Variants in B4GALT1 observed in about 807,000 individuals in gnomAD.
B4GALT1 encodes the protein beta-1,4-galactosyltransferase 1, also known as N-acetyllactosamine synthase.
B4GALT1 carries 16 observed loss-of-function variants against 34.9 expected under a neutral mutation model. That is an observed-to-expected ratio of 0.46 (90% CI 0.31 to 0.70). The LOEUF is 0.70. B4GALT1 is among the 30% of genes least tolerant of loss of function. The pLI, the probability that B4GALT1 is intolerant of heterozygous loss-of-function variation, is 0.05. For synonymous variants in B4GALT1, 221 were observed against 218.1 expected (o/e 1.01, Z -0.12); for missense variants, 445 against 530.5 (o/e 0.84, Z 1.58).
chr9:33,150,233 TACACAC>T (rs10701535), intron 1 of B4GALT1, among the ~76,000 whole-genome samples: 1,965 of 138,142 alleles, frequency 0.014, 45 homozygotes, highest in African/African-American at 0.049. Flanking sequence ...TACAGGTAGA[TACACAC>T]ACACACACAC....
the B4GALT1 span, among the ~76,000 whole-genome samples, chr9:33,175,483 T>C: frequency 2.0e-5 from 3 of 152,138 alleles, no homozygotes; most frequent in Non-Finnish European, 4.4e-5. Flanking sequence ...TAGGGCATCA[T>C]ATCGGAAATT....
chr9:33,110,495 T>C (rs1001043988), downstream of B4GALT1: 3 of 152,196 alleles, frequency 2.0e-5, no homozygotes, highest in Admixed American at 6.5e-5. Flanking sequence ...ATTTTACAGA[T>C]AAGAGAATGA....
At chr9:33,161,584 C>T (rs1391751150) in intron 1 of B4GALT1, among the ~76,000 whole-genome samples, 1 of 152,194 alleles carries the variant, frequency 6.6e-6, no homozygotes, top group African/African-American at 2.4e-5. Flanking sequence ...CCCTAGGAGC[C>T]AGGGTCTGGC....
chr9:33,179,876 G>A, the B4GALT1 span: 2 of 152,340 alleles, frequency 1.3e-5, no homozygotes, highest in East Asian at 1.9e-4. Flanking sequence ...GATGAAGCCC[G>A]TTGTAAGTAA....
Position 33,166,945 on chromosome 9 carries a change from C to T in B4GALT1, c.225G>A (p.Gly75=), listed in dbSNP as rs1350314975. The T allele has an allele frequency of 2.5e-6, 4 of 1,574,558 alleles. No individual in the cohort carries two copies. The highest frequency in any genetic ancestry group is 1.1e-5 in the South Asian group (1 of 88,164). The part of the protein sequence containing the change: ...NSAAAIGQSS[G]ELRTGGARPP... Reference sequence around the variant, plus strand: ...GCCGGGCCCCTCCGGTCCGGAGCTCCCCGGAGGACTGCCCGATGGCGGCGG... The same window carrying T: ...GCCGGGCCCCTCCGGTCCGGAGCTCTCCGGAGGACTGCCCGATGGCGGCGG... The change falls in exon 1 of 6, where the codon GGG becomes GGA. Residue 75 remains glycine (G), a synonymous_variant. Coordinates refer to ENST00000379731, the MANE Select transcript of B4GALT1 (RefSeq NM_001497.4).
intron 1 of B4GALT1, among the ~76,000 whole-genome samples, chr9:33,146,601 G>A (rs567751306): frequency 1.3e-5 from 2 of 152,266 alleles, no homozygotes; most frequent in Non-Finnish European, 2.9e-5. Flanking sequence ...TGCTGGTGAG[G>A]ATGCTTCGCT....
chr9:33,169,103 T>C (rs868150344), upstream of B4GALT1, among the ~76,000 whole-genome samples: 4 of 152,252 alleles, frequency 2.6e-5, no homozygotes, highest in South Asian at 4.1e-4. Flanking sequence ...CCCTGGGTTA[T>C]ATGGCAGCTA....
intron 1 of B4GALT1, among the ~76,000 whole-genome samples, chr9:33,151,965 C>T (rs189629068): frequency 1.6e-4 from 24 of 152,274 alleles, no homozygotes; most frequent in Non-Finnish European, 3.1e-4. Context: ...TGAAGACCTG[C>T]TTAAGTATGA....
chr9:33,169,288 C>T (rs1840816737), upstream of B4GALT1, among the ~76,000 whole-genome samples: 1 of 152,210 alleles, frequency 6.6e-6, no homozygotes, highest in Non-Finnish European at 1.5e-5. Flanking sequence ...ACATCTGTCA[C>T]TCTACCATGC....
At chr9:33,123,800 T>C (rs1450777806) in intron 2 of B4GALT1, among the ~76,000 whole-genome samples, 2 of 152,200 alleles carry the variant, frequency 1.3e-5, no homozygotes, top group Non-Finnish European at 2.9e-5. Context: ...CCATGAGCAA[T>C]GGCACCCTGG....
chr9:33,132,122 G>C (rs1166247948), intron 2 of B4GALT1, among the ~76,000 whole-genome samples: 1 of 150,416 alleles, frequency 6.6e-6, no homozygotes, highest in South Asian at 2.1e-4. Flanking sequence ...ATGAGGAAAA[G>C]CAAAGAAAAA....
rs1022102520 is a variant in B4GALT1, at chr9:33,114,306, T to C, written c.960-428A>G. Among the ~76,000 whole-genome samples, 38 of 152,126 alleles carry C rather than the reference T, an allele frequency of 2.5e-4. 1 individual carries two copies. Among genetic ancestry groups the C allele is most frequent in the Non-Finnish European group, 1.5e-5 (1 of 68,012 alleles). On this transcript the variant is annotated intron_variant, in intron 4 of 5. Transcript: ENST00000379731. ...ATGAACAGGTATCTGCCATAGCATT[T>C]TGGGCAGCCAGGATGGCACAGGCAA...
At chr9:33,109,544 C>A (rs986690629), downstream of B4GALT1, among the ~76,000 whole-genome samples, 3 of 152,222 alleles carry the variant, frequency 2.0e-5, no homozygotes, top group African/African-American at 4.8e-5. Flanking sequence ...GTGGTATAAA[C>A]CTGCAGCTCA....
chr9:33,149,787 G>C (rs1175060355), intron 1 of B4GALT1, among the ~76,000 whole-genome samples: 1 of 152,058 alleles, frequency 6.6e-6, no homozygotes, highest in Non-Finnish European at 1.5e-5. Context: ...CTGATCAGGA[G>C]GAAACATCAG....
At chr9:33,136,162 GGAA>G (rs777990158) in intron 1 of B4GALT1, among the ~76,000 whole-genome samples, 35 of 152,118 alleles carry the variant, frequency 2.3e-4, no homozygotes, top group Non-Finnish European at 4.4e-4. Flanking sequence ...GTAACAAAGA[GGAA>G]GAAGAAGTAA....
At chr9:33,173,503 C>T in the B4GALT1 span, among the ~76,000 whole-genome samples, 1 of 149,754 alleles carries the variant, frequency 6.7e-6, no homozygotes, top group Non-Finnish European at 1.5e-5. Context: ...AGGGAGAAAA[C>T]TAAAATGAAT....
At chr9:33,180,416 T>A in the B4GALT1 span, among the ~76,000 whole-genome samples, 2 of 152,194 alleles carry the variant, frequency 1.3e-5, no homozygotes, top group African/African-American at 4.8e-5. Context: ...AACATTCACT[T>A]TTTTATGTTC....
At chr9:33,108,045 A>G (rs1839812560), downstream of B4GALT1, among the ~76,000 whole-genome samples, 1 of 152,384 alleles carries the variant, frequency 6.6e-6, no homozygotes, top group South Asian at 2.1e-4. Flanking sequence ...TGTACATGGC[A>G]GTCTGTATAT....
At chr9:33,126,440 T>C (rs190716669) in intron 2 of B4GALT1, among the ~76,000 whole-genome samples, 1 of 152,150 alleles carries the variant, frequency 6.6e-6, no homozygotes, top group Non-Finnish European at 1.5e-5. Flanking sequence ...GTTTTGCTTT[T>C]GTTGTTGTTG....
Sources: allele counts gnomAD v4.1 joint callset (sites outside exome capture counted in the v4.1 genomes callset), GRCh38; gene constraint gnomAD v4.1.1; transcripts MANE v1.5; gene names NCBI Gene and HGNC (gene_info 2026-07-23, HGNC 2026-07-21).